FBN1: variants seen among roughly 807,000 people sequenced by gnomAD.
FBN1 encodes the protein fibrillin 1, also known as fibrillin-1.
A neutral mutation model predicts 365.1 loss-of-function variants in FBN1; 29 were observed. The observed-to-expected ratio is 0.08, with a 90% CI of 0.06 to 0.11. FBN1 has a LOEUF of 0.11. Ranked by LOEUF, FBN1 falls within the 10% of genes least tolerant of loss-of-function variation. The pLI, the probability that FBN1 is intolerant of heterozygous loss-of-function variation, is 1.00. For missense variants in FBN1, 2,476 were observed against 3,703.2 expected, an observed-to-expected ratio of 0.67 and a Z score of 8.60; for synonymous variants, 1,210 against 1,270.5, an observed-to-expected ratio of 0.95 and a Z score of 1.01.
At chr15:48,569,213 A>G (rs2044285810) in intron 6 of FBN1, among the ~76,000 whole-genome samples, 1 of 152,138 alleles carries the variant, frequency 6.6e-6, no homozygotes, top group South Asian at 2.1e-4. Flanking sequence ...GAATAGGCAC[A>G]TGAAAAGATG....
intron 6 of FBN1, among the ~76,000 whole-genome samples, chr15:48,588,022 G>A (rs981790856): frequency 2.0e-5 from 3 of 152,132 alleles, no homozygotes; most frequent in Non-Finnish European, 4.4e-5. Flanking sequence ...GCAGCAGAAG[G>A]AAGGAAAAGA....
intron 63 of FBN1, among the ~76,000 whole-genome samples, chr15:48,419,573 C>T (rs565855690): frequency 2.6e-5 from 4 of 152,310 alleles, no homozygotes; most frequent in African/African-American, 4.8e-5. Context: ...CAGAGACTCA[C>T]GCAGTCGAAA....
chr15:48,463,859 G>T, intron 41 of FBN1, 40 bp downstream of exon 41: 1 of 1,575,842 alleles, frequency 6.3e-7, no homozygotes, highest in South Asian at 1.2e-5. Context: ...CTTTGTAGAT[G>T]AGAACCAAAC....
At chr15:48,600,287 A>G in intron 4 of FBN1, 53 bp from the exon 5 acceptor site, 1 of 1,281,374 alleles carries the variant, frequency 7.8e-7, no homozygotes, top group Non-Finnish European at 1.1e-6. Flanking sequence ...CATAGATTGC[A>G]ACAGCTCACA....
intron 53 of FBN1, among the ~76,000 whole-genome samples, chr15:48,435,772 ATGTGTGTGTGTGTG>A (rs374043226): frequency 9.4e-6 from 1 of 106,346 alleles, no homozygotes; most frequent in Non-Finnish European, 1.8e-5. Flanking sequence ...ATATGTGTAT[ATGTGTGTGTGTGTG>A]TGTGTGTGTG....
chr15:48,421,459 C>A (rs2042940564), intron 62 of FBN1, 99 bp downstream of exon 62: 4 of 1,450,130 alleles, frequency 2.8e-6, no homozygotes, highest in Admixed American at 3.8e-5. Flanking sequence ...GGGCTCAGAT[C>A]TGCTATCTCA....
chr15:48,525,072 C>T (rs1391683387), intron 9 of FBN1, among the ~76,000 whole-genome samples: 1 of 150,400 alleles, frequency 6.6e-6, no homozygotes, highest in African/African-American at 2.5e-5. Context: ...ATTATTAAAT[C>T]CAGCAGCTGT....
intron 4 of FBN1, among the ~76,000 whole-genome samples, chr15:48,601,082 T>C (rs1475813741): frequency 6.6e-6 from 1 of 152,200 alleles, no homozygotes. Context: ...GTTTAAACTG[T>C]AACCTCAAAC....
intron 6 of FBN1, among the ~76,000 whole-genome samples, chr15:48,572,930 G>C (rs572102921): frequency 6.6e-6 from 1 of 152,180 alleles, no homozygotes; most frequent in African/African-American, 2.4e-5. Context: ...GAGGCGAAGG[G>C]CTCCAAACAG....
In FBN1 at chr15:48,520,800, A is replaced by G. The variant is rs1555400612; in HGVS notation, c.1006T>C (p.Cys336Arg). 1 of 1,614,188 alleles carries G rather than the reference A, an allele frequency of 6.2e-7. No homozygotes were observed. Among genetic ancestry groups the G allele is most frequent in the Non-Finnish European group, 8.5e-7 (1 of 1,180,036 alleles). Residue 336 changes from cysteine (C) to arginine (R), a missense_variant, in exon 10 of 66, where the codon TGT becomes CGT. Cys to Arg is a radical substitution (Grantham distance 180). Coordinates refer to ENST00000316623, the MANE Select transcript of FBN1 (RefSeq NM_000138.5). ...CGCCCGTTTGTCAGAGCTGTGTAAC[A>G]GTATCCTGGGCGAACATCTGAGGAC... ...TRCIDVRPGY[C>R]YTALTNGRCS...
chr15:48,506,673 G>A (rs2043710457), intron 15 of FBN1, among the ~76,000 whole-genome samples: 1 of 152,196 alleles, frequency 6.6e-6, no homozygotes, highest in Non-Finnish European at 1.5e-5. Context: ...AGTTAACTGT[G>A]GAGACTGAAT....
chr15:48,505,105 C>A lies in FBN1; in HGVS notation c.1880G>T (p.Arg627Leu). 1 of 1,614,152 alleles carries A rather than the reference C, an allele frequency of 6.2e-7. No individual in the cohort carries two copies. The highest frequency in any genetic ancestry group is 2.2e-5 in the East Asian group (1 of 44,878). ...CETPGICMNG[R>L]CVNTDGSYRC... is the part of the protein sequence containing the mutation. ...GTAGGAGCCATCAGTGTTGACGCAA[C>A]GCCCATTCATGCAGATCCCAGGGGT... Residue 627 changes from arginine to leucine, a missense_variant, in exon 16 of 66, where the codon CGT (arginine) becomes CTT (leucine). Coordinates refer to ENST00000316623, the MANE Select transcript of FBN1 (RefSeq NM_000138.5).
intron 53 of FBN1, among the ~76,000 whole-genome samples, chr15:48,435,322 G>GGA (rs1415395784): frequency 6.7e-6 from 1 of 149,234 alleles, no homozygotes; most frequent in African/African-American, 2.5e-5. Flanking sequence ...TGCTCTAAGG[G>GGA]TTAAAAAAAA....
intron 15 of FBN1, among the ~76,000 whole-genome samples, chr15:48,507,670 G>A (rs974188414): frequency 6.6e-6 from 1 of 152,154 alleles, no homozygotes; most frequent in African/African-American, 2.4e-5. Flanking sequence ...ACACAGAGAA[G>A]AGGCACCATA....
At chr15:48,613,468 C>T (rs530961975) in intron 2 of FBN1, among the ~76,000 whole-genome samples, 3 of 152,146 alleles carry the variant, frequency 2.0e-5, no homozygotes, top group Admixed American at 6.5e-5. Flanking sequence ...CATAAGACTT[C>T]ACATTTCTAC....
chr15:48,421,450 G>T (rs2042940535), intron 62 of FBN1, 108 bp downstream of exon 62: 2 of 1,373,680 alleles, frequency 1.5e-6, no homozygotes, highest in Non-Finnish European at 2.0e-6. Context: ...TGCCCCCCTG[G>T]GCTCAGATCT....
chr15:48,532,495 T>C (rs1303508528), intron 8 of FBN1, among the ~76,000 whole-genome samples: 1 of 149,792 alleles, frequency 6.7e-6, no homozygotes, highest in Non-Finnish European at 1.5e-5. Context: ...TGTGTGTATA[T>C]ATATATGTGT....
chr15:48,415,402 C>T lies in FBN1; in HGVS notation c.8051+134G>A, dbSNP rs551896879. 2.1e-5 allele frequency: 16 copies of T among 748,736 alleles called. No individual in the cohort carries two copies. The East Asian group carries it at 4.0e-4, about 19-fold the overall frequency. 46.4% of individuals were successfully genotyped at this position (748,736 alleles called of 1,614,324 possible). A position where few individuals can be genotyped will look rare whatever the true frequency, so the allele number is the denominator to read the frequency against. The stretch of plus-strand genomic sequence containing the variant: ...AAAATAACCTAAAACTTTTGCCAAG[C>T]TAACTGGAATTAATTTTAGGATTAC... On this transcript the variant is annotated intron_variant, in intron 64 of 65. Transcript: ENST00000316623.
chr15:48,629,930 G>A (rs186330542), intron 2 of FBN1, among the ~76,000 whole-genome samples: 18 of 152,308 alleles, frequency 1.2e-4, no homozygotes, highest in African/African-American at 4.1e-4. Context: ...TCCTGAGAGG[G>A]AGGGGACCCC....
Sources: allele counts gnomAD v4.1 joint callset (sites outside exome capture counted in the v4.1 genomes callset), GRCh38; gene constraint gnomAD v4.1.1; transcripts MANE v1.5; gene names NCBI Gene and HGNC (gene_info 2026-07-23, HGNC 2026-07-21).